EBF4: variants seen among roughly 807,000 people sequenced by gnomAD.
The protein encoded by EBF4 is transcription factor COE4.
A neutral mutation model predicts 67.1 loss-of-function variants in EBF4; 34 were observed. That is an observed-to-expected ratio of 0.51 (90% confidence interval 0.39 to 0.67). The LOEUF is 0.67. Among genes scored for constraint, EBF4 ranks in the 30% least tolerant of loss-of-function variants. The pLI is 0.00. For missense variants in EBF4, 837 were observed against 873.3 expected (o/e 0.96, Z 0.52); for synonymous variants, 387 against 377.7 (o/e 1.02, Z -0.29).
At chr20:2,702,819 C>T (rs1040151219) in intron 1 of EBF4, among the ~76,000 whole-genome samples, 19 of 152,154 alleles carry the variant, frequency 1.2e-4, no homozygotes, top group African/African-American at 4.3e-4. Context: ...CTGGTCACTC[C>T]CCTGCATCCC....
At chr20:2,693,106 G>A (rs2087232534), upstream of EBF4, 1 of 158,752 alleles carries the variant, frequency 6.3e-6, no homozygotes, top group Non-Finnish European at 1.3e-5. The surrounding 1 kb of genome is among the most constrained non-coding windows in gnomAD (Gnocchi z 4.6). Flanking sequence ...CACTGTCGCC[G>A]CCGCCGCCGA....
chr20:2,749,709 G>C, exon 9 of EBF4: 2 of 1,556,400 alleles, frequency 1.3e-6, no homozygotes, highest in Non-Finnish European at 1.7e-6. Flanking sequence ...CAACTTCTTC[G>C]ACGGGTTGCA....
Position 2,737,051 on chromosome 20 carries a change from C to A in EBF4, c.558-11498C>A, listed in dbSNP as rs926329117. On this transcript the variant is annotated intron_variant, in intron 6 of 16. Coordinates refer to ENST00000609451, the Ensembl canonical transcript of EBF4. ...GATCACAAGGTCAGGAGATGGAGACCATCCTGGCTAACACGGTGAAACCCC... is the reference window on the plus strand; with the variant it reads ...GATCACAAGGTCAGGAGATGGAGACAATCCTGGCTAACACGGTGAAACCCC... Among the ~76,000 whole-genome samples the A allele has an allele frequency of 1.3e-4, 19 of 151,974 alleles. No homozygotes were observed. The East Asian group carries it at 3.7e-3, about 30-fold the overall frequency.
chr20:2,754,293 G>T (rs544108536), intron 14 of EBF4, among the ~76,000 whole-genome samples: 2 of 152,224 alleles, frequency 1.3e-5, no homozygotes, highest in Admixed American at 6.5e-5. Context: ...CATCAGAACT[G>T]CCCCAGCCAG....
intron 5 of EBF4, 41 bp from the exon 6 acceptor site, chr20:2,709,533 C>T (rs750554094): frequency 2.7e-5 from 42 of 1,528,986 alleles, no homozygotes; most frequent in Middle Eastern, 1.7e-4. Context: ...CCCCCTCCTT[C>T]CTTGGCTTCT....
intron 1 of EBF4, among the ~76,000 whole-genome samples, chr20:2,704,289 G>T (rs2146379656): frequency 6.6e-6 from 1 of 152,106 alleles, no homozygotes; most frequent in East Asian, 1.9e-4. Context: ...TTCCTGGAGG[G>T]TGTCCTAGGG....
At chr20:2,752,379 C>T in exon 14 of EBF4, 1 of 1,239,990 alleles carries the variant, frequency 8.1e-7, no homozygotes, top group Non-Finnish European at 1.0e-6. Flanking sequence ...GCTGCAGCAG[C>T]GCGTCCCCCC....
intron 6 of EBF4, among the ~76,000 whole-genome samples, chr20:2,710,929 C>T (rs1391725770): frequency 6.6e-6 from 1 of 152,030 alleles, no homozygotes; most frequent in Non-Finnish European, 1.5e-5. Context: ...ATTGCTTGAG[C>T]CCATGAGTTT....
At chr20:2,752,051 G>A (rs1266880282) in intron 12 of EBF4, 35 bp from the exon 13 acceptor site, 5 of 1,467,398 alleles carry the variant, frequency 3.4e-6, no homozygotes, top group South Asian at 2.8e-5. Flanking sequence ...GGCGCCCGCG[G>A]CTGCCCCGGC....
At chr20:2,718,193 C>A (rs1406379612) in intron 6 of EBF4, among the ~76,000 whole-genome samples, 1 of 152,160 alleles carries the variant, frequency 6.6e-6, no homozygotes, top group African/African-American at 2.4e-5. Flanking sequence ...CTGTTTGATT[C>A]TACTTTACAT....
chr20:2,756,315 G>C lies in EBF4; in HGVS notation c.1738+491G>C, dbSNP rs1199057523. On this transcript the variant is annotated intron_variant, in intron 15 of 16. Transcript: ENST00000609451. The surrounding 1 kb of genome is among the most constrained non-coding windows in gnomAD (Gnocchi z 4.5). The stretch of plus-strand genomic sequence containing the variant: ...CCCCGCATTTTACAGATTAGGACTT[G>C]AGACCAAGTCATCTTCCCACATCCC... Among the ~76,000 whole-genome samples the C allele has an allele frequency of 6.6e-6, 1 of 152,238 alleles. No individual in the cohort carries two copies. The highest frequency in any genetic ancestry group is 1.5e-5 in the Non-Finnish European group (1 of 68,046).
At chr20:2,715,573 A>C (rs964545343) in intron 6 of EBF4, among the ~76,000 whole-genome samples, 1 of 151,994 alleles carries the variant, frequency 6.6e-6, no homozygotes, top group African/African-American at 2.4e-5. Flanking sequence ...ACTAAGTAAC[A>C]CTCCCACCCA....
intron 6 of EBF4, among the ~76,000 whole-genome samples, chr20:2,718,619 T>A (rs1379482346): frequency 7.9e-5 from 12 of 152,252 alleles, no homozygotes; most frequent in Admixed American, 7.9e-4. Context: ...CTAGAACCTA[T>A]AGTGATGTCA....
At chr20:2,729,673 A>C (rs2087789067) in intron 6 of EBF4, among the ~76,000 whole-genome samples, 1 of 152,196 alleles carries the variant, frequency 6.6e-6, no homozygotes, top group African/African-American at 2.4e-5. Flanking sequence ...CGGGTAGCAT[A>C]GGTGGTCCAG....
At position 2,759,261 on chromosome 20, in the gene EBF4, C is replaced by T; in HGVS notation, c.*6-7C>T. On this transcript the variant is annotated splice_region_variant and splice_polypyrimidine_tract_variant and intron_variant, in intron 16 of 16. Transcript: ENST00000609451. ...GACCTTCTTCTCTCCCTCTCTCGCC[C>T]CACCAGGTCTGCAGCTGTTCCCATG... 4.0e-6 allele frequency: 2 copies of T among 504,378 alleles called. No individual in the cohort carries two copies. The highest frequency in any genetic ancestry group is 7.2e-6 in the Non-Finnish European group (2 of 277,978). The allele number at this position is 504,378 out of a possible 1,614,324, so 31.2% of individuals were successfully genotyped here.
In EBF4 at chr20:2,755,891, G is replaced by A; in HGVS notation, c.1738+67G>A. ...CCCTTGTGGAGCAGCTGGGCTACAG[G>A]GGCCTGCTCTGTCCACATCTCACCA... On this transcript the variant is annotated intron_variant, in intron 15 of 16. Transcript: ENST00000609451. This position sits in a 1 kb window ranked among gnomAD's most constrained non-coding sequence, Gnocchi z 4.7. 4 of 1,427,958 alleles carry A rather than the reference G, an allele frequency of 2.8e-6. No individual in the cohort carries two copies. Among genetic ancestry groups the A allele is most frequent in the Admixed American group, 4.2e-5 (2 of 47,896 alleles). The allele number at this position is 1,427,958 out of a possible 1,614,324, so 88.5% of individuals were successfully genotyped here. A position where few individuals can be genotyped will look rare whatever the true frequency, so the allele number is the denominator to read the frequency against.
chr20:2,755,340 T>G lies in EBF4; in HGVS notation c.1541-287T>G. ...TAGTCCAGCTGTTGCTCATCTCATT[T>G]TTGGGGGGTACCTCCCACTGTTTGT... On this transcript the variant is annotated intron_variant, in intron 14 of 16. Transcript: ENST00000609451. The surrounding 1 kb of genome is among the most constrained non-coding windows in gnomAD (Gnocchi z 4.7). The G allele has an allele frequency of 4.5e-6, 2 of 441,804 alleles. No individual in the cohort carries two copies. The highest frequency in any genetic ancestry group is 8.1e-6 in the Non-Finnish European group (2 of 248,264). 27.4% of individuals were successfully genotyped at this position (441,804 alleles called of 1,614,324 possible).
rs1013404724 is a variant in EBF4, at chr20:2,739,670, G to T, written c.558-8879G>T. On this transcript the variant is annotated intron_variant, in intron 6 of 16. Transcript: ENST00000609451. The surrounding 1 kb of genome is among the most constrained non-coding windows in gnomAD (Gnocchi z 4.5). Reference sequence around the variant, plus strand: ...TGTCCTCCTCTGTCCCTGAGCTGAGGGTAGAGAGAAGCAGACAGTGAACAC... The same window carrying T: ...TGTCCTCCTCTGTCCCTGAGCTGAGTGTAGAGAGAAGCAGACAGTGAACAC... 6.6e-6 allele frequency among the ~76,000 whole-genome samples: 1 copy of T among 152,200 alleles called. No individual in the cohort carries two copies. The highest frequency in any genetic ancestry group is 1.5e-5 in the Non-Finnish European group (1 of 68,040).
intron 6 of EBF4, among the ~76,000 whole-genome samples, chr20:2,737,066 G>A (rs541546948): frequency 3.5e-4 from 53 of 151,988 alleles, no homozygotes; most frequent in Middle Eastern, 3.4e-3. Flanking sequence ...TGGCTAACAC[G>A]GTGAAACCCC....
Sources: gnomAD v4.1 joint callset for allele counts (sites outside exome capture counted in the v4.1 genomes callset) on GRCh38, gnomAD v4.1.1 for gene constraint, Gnocchi (gnomAD v3.1) non-coding constraint, MANE v1.5 for transcripts, NCBI Gene and HGNC (gene_info 2026-07-23, HGNC 2026-07-21) for gene names.